Variants in UNC5C observed in about 807,000 individuals in gnomAD.
The protein encoded by UNC5C is unc-5 netrin receptor C.
UNC5C carries 47 observed loss-of-function variants against 99.8 expected under a neutral mutation model. The observed-to-expected ratio is 0.47, with a 90% CI of 0.37 to 0.60. The LOEUF (loss-of-function observed/expected upper bound fraction) is 0.60. UNC5C is among the 20% of genes least tolerant of loss of function. The pLI, the probability that UNC5C is intolerant of heterozygous loss-of-function variation, is 0.00. For synonymous variants in UNC5C, 487 were observed against 452.2 expected, an observed-to-expected ratio of 1.08 and a Z score of -0.98; for missense variants, 1,062 against 1,165.9, an observed-to-expected ratio of 0.91 and a Z score of 1.30.
At chr4:95,420,097 A>T (rs764905258) in intron 1 of UNC5C, among the ~76,000 whole-genome samples, 20 of 152,222 alleles carry the variant, frequency 1.3e-4, no homozygotes, top group Admixed American at 2.6e-4. Context: ...CAAAGCATCC[A>T]TAAGCAATTA....
Position 95,480,311 on chromosome 4 carries a change from G to A in UNC5C, c.124+68423C>T, listed in dbSNP as rs574569309. ...TGTGTGTATATATAGATAGCCTATT[G>A]GCTCTGGTTCTCTGGAGAAAGATGA... is the stretch of plus-strand genomic sequence containing the variant. On this transcript the variant is annotated intron_variant, in intron 1 of 15. Coordinates refer to ENST00000453304, the MANE Select transcript of UNC5C (RefSeq NM_003728.4). Among the ~76,000 whole-genome samples, 3 of 151,600 alleles carry A rather than the reference G, an allele frequency of 2.0e-5. No homozygotes were observed. The South Asian group carries it at 6.2e-4, about 32-fold the overall frequency.
intron 1 of UNC5C, among the ~76,000 whole-genome samples, chr4:95,495,279 C>A (rs1721600197): frequency 6.6e-6 from 1 of 151,476 alleles, no homozygotes; most frequent in Non-Finnish European, 1.5e-5. Context: ...TTCCTTTTAT[C>A]ACTTGTAACT....
intron 1 of UNC5C, among the ~76,000 whole-genome samples, chr4:95,363,686 A>T (rs1301482188): frequency 6.6e-6 from 1 of 152,192 alleles, no homozygotes; most frequent in Non-Finnish European, 1.5e-5. Flanking sequence ...GCTACAAAAC[A>T]AAAAAGAAAC....
chr4:95,469,944 A>G (rs1031604337), intron 1 of UNC5C, among the ~76,000 whole-genome samples: 1 of 152,178 alleles, frequency 6.6e-6, no homozygotes, highest in Admixed American at 6.6e-5. Context: ...CAATAGCAAC[A>G]GGAGGTGGCT....
chr4:95,506,763 A>G (rs1721934554), intron 1 of UNC5C, among the ~76,000 whole-genome samples: 1 of 151,828 alleles, frequency 6.6e-6, no homozygotes, highest in Non-Finnish European at 1.5e-5. Context: ...TATACACACA[A>G]TATGGTGATA....
chr4:95,299,521 T>C (rs988395470), intron 3 of UNC5C, among the ~76,000 whole-genome samples: 1 of 152,174 alleles, frequency 6.6e-6, no homozygotes, highest in South Asian at 2.1e-4. Context: ...GGAGGCAAGA[T>C]GAGAGGTGTA....
chr4:95,536,082 A>ATATATATATATATATATTTTT lies in UNC5C; in HGVS notation c.124+12651_124+12652insAAAAATATATATATATATATA, dbSNP rs1180330785. 6.4e-5 allele frequency among the ~76,000 whole-genome samples: 5 copies of ATATATATATATATATATTTTT among 78,446 alleles called. No individual in the cohort carries two copies. The East Asian group carries it at 1.4e-3, about 22-fold the overall frequency. The allele number at this position is 78,446 out of a possible 152,430, so 51.5% of individuals were successfully genotyped here. Reference sequence around the variant, plus strand: ...CATACATATATATATATATATATATATTTTTTTTTTTTGAGATGGAGTCTC... The same window carrying ATATATATATATATATATTTTT: ...CATACATATATATATATATATATATATATATATATATATATATTTTTTTTTTTTTTTTTGAGATGGAGTCTC... On this transcript the variant is annotated intron_variant, in intron 1 of 15. Transcript: ENST00000453304.
At chr4:95,186,068 C>CCAAA (rs527687435) in intron 12 of UNC5C, among the ~76,000 whole-genome samples, 9 of 152,094 alleles carry the variant, frequency 5.9e-5, no homozygotes, top group Non-Finnish European at 1.3e-4. Context: ...CTGTAATTAT[C>CCAAA]CAAACAGCAG....
chr4:95,277,393 A>G (rs1332535938), intron 4 of UNC5C, among the ~76,000 whole-genome samples: 1 of 152,218 alleles, frequency 6.6e-6, no homozygotes, highest in African/African-American at 2.4e-5. Flanking sequence ...CTTGTAGGAC[A>G]CGGGGTCAAT....
chr4:95,356,560 A>C (rs922379879), intron 1 of UNC5C, among the ~76,000 whole-genome samples: 7 of 152,174 alleles, frequency 4.6e-5, no homozygotes, highest in African/African-American at 1.7e-4. Context: ...TTCATATTCT[A>C]TAAACAAAAA....
intron 3 of UNC5C, among the ~76,000 whole-genome samples, chr4:95,285,977 C>G (rs1579296248): frequency 1.3e-5 from 2 of 152,108 alleles, no homozygotes; most frequent in African/African-American, 4.8e-5. Flanking sequence ...TCCATTTGAC[C>G]TTAAGCACAT....
At chr4:95,496,706 A>G (rs548983980) in intron 1 of UNC5C, among the ~76,000 whole-genome samples, 123 of 151,946 alleles carry the variant, frequency 8.1e-4, no homozygotes, top group Non-Finnish European at 1.4e-3. Flanking sequence ...TTATTTCAAT[A>G]GTTTTTGAGG....
At chr4:95,292,212 TATATACACAC>T (rs1741490062) in intron 3 of UNC5C, among the ~76,000 whole-genome samples, 1 of 57,012 alleles carries the variant, frequency 1.8e-5, no homozygotes, top group African/African-American at 9.1e-5. Context: ...TATATACATA[TATATACACAC>T]ACACACACAC....
chr4:95,369,561 A>G (rs959844403), intron 1 of UNC5C, among the ~76,000 whole-genome samples: 1 of 152,090 alleles, frequency 6.6e-6, no homozygotes, highest in Non-Finnish European at 1.5e-5. Context: ...ATCTCCAAAA[A>G]AAGGAGATTA....
intron 1 of UNC5C, among the ~76,000 whole-genome samples, chr4:95,442,485 T>C (rs1746978832): frequency 6.6e-6 from 1 of 150,670 alleles, no homozygotes; most frequent in Non-Finnish European, 1.5e-5. Flanking sequence ...TGGGATTACA[T>C]GTGTGACCCA....
chr4:95,370,392 C>G (rs1579364231), intron 1 of UNC5C, among the ~76,000 whole-genome samples: 2 of 151,888 alleles, frequency 1.3e-5, no homozygotes, highest in African/African-American at 4.8e-5. Flanking sequence ...AGAAAGTTTA[C>G]TTTTGCTTAT....
Position 95,219,095 on chromosome 4 carries a change from G to A in UNC5C, c.1519C>T (p.Gln507Ter). The A allele has an allele frequency of 6.2e-7, 1 of 1,614,110 alleles. No homozygotes were observed. The highest frequency in any genetic ancestry group is 8.5e-7 in the Non-Finnish European group (1 of 1,180,016). The stretch of plus-strand genomic sequence containing the variant: ...AGGGCTTCATTCTCCAACAACGACT[G>A]GGTCATCTGAGGGGACAGCTTGGAC... ...FTSKLSPQMT[Q>*]SLLENEALSL... The change falls in exon 9 of 16, where the codon CAG (glutamine) becomes TAG (stop). Residue 507 changes from glutamine to a stop codon, truncating the protein, a stop_gained. Transcript: ENST00000453304. LOFTEE classifies it high-confidence loss of function.
chr4:95,399,485 A>G (rs866129503), intron 1 of UNC5C, among the ~76,000 whole-genome samples: 2 of 152,214 alleles, frequency 1.3e-5, no homozygotes, highest in African/African-American at 2.4e-5. Flanking sequence ...ATTCCCATGC[A>G]GTTAGGATAA....
intron 4 of UNC5C, among the ~76,000 whole-genome samples, chr4:95,274,052 G>C (rs1365164318): frequency 6.6e-6 from 1 of 152,108 alleles, no homozygotes; most frequent in Non-Finnish European, 1.5e-5. Context: ...GCTGGCATTA[G>C]AGATAAAACA....
Sources: allele counts gnomAD v4.1 joint callset (sites outside exome capture counted in the v4.1 genomes callset), GRCh38; gene constraint gnomAD v4.1.1; transcripts MANE v1.5; gene names NCBI Gene and HGNC (gene_info 2026-07-23, HGNC 2026-07-21).